Variants in KRI1 observed in about 807,000 individuals in gnomAD.
KRI1 encodes KRI1 homolog, also known as protein KRI1 homolog.
In KRI1, 83 loss-of-function variants were observed where a neutral mutation model predicts 97.0. The observed-to-expected ratio is 0.86, with a 90% CI of 0.72 to 1.03. KRI1 has a LOEUF of 1.03. KRI1 is among the 50% of genes least tolerant of loss of function. The probability of loss-of-function intolerance (pLI) is 0.00; values close to 1 mark genes in which losing one functional copy is unlikely to be tolerated. For synonymous variants in KRI1, 371 were observed against 363.5 expected, an observed-to-expected ratio of 1.02 and a Z score of -0.23; for missense variants, 916 against 928.4, an observed-to-expected ratio of 0.99 and a Z score of 0.17.
In KRI1 at chr19:10,565,931, G is replaced by A. The variant is rs1352665191; in HGVS notation, c.69C>T (p.Tyr23=). The A allele has an allele frequency of 6.5e-7, 1 of 1,534,190 alleles. No individual in the cohort carries two copies. Among genetic ancestry groups the A allele is most frequent in the Non-Finnish European group, 8.8e-7 (1 of 1,141,358 alleles). Residue 23 remains tyrosine, a synonymous_variant, in exon 1 of 19, where the codon TAC becomes TAT. Transcript: ENST00000312962. The part of the protein sequence containing the change: ...NAAFAARYNR[Y]REREELQRLK... Reference sequence around the variant, plus strand: ...GCCGCTGCAGTTCCTCGCGCTCCCGGTAGCGGTTGTACCGCGCGGCAAACG... The same window carrying A: ...GCCGCTGCAGTTCCTCGCGCTCCCGATAGCGGTTGTACCGCGCGGCAAACG...
At chr19:10,555,496 G>C (rs1916479097) in intron 16 of KRI1, 147 bp from the exon 17 acceptor site, 1 of 797,056 alleles carries the variant, frequency 1.3e-6, no homozygotes. Flanking sequence ...GATCTCTACA[G>C]AGGCCAATGA....
chr19:10,554,061 C>G lies in KRI1; in HGVS notation c.2002G>C (p.Glu668Gln). 1 of 1,614,148 alleles carries G rather than the reference C, an allele frequency of 6.2e-7. No individual in the cohort carries two copies. Among genetic ancestry groups the G allele is most frequent in the Non-Finnish European group, 8.5e-7 (1 of 1,180,030 alleles). Residue 668 changes from glutamate (E) to glutamine (Q), a missense_variant, in exon 19 of 19, where the codon GAG (glutamate) becomes CAG (glutamine). Glu to Gln is a conservative substitution (Grantham distance 29, BLOSUM62 2). This residue lies in a region of KRI1 where 672 missense variants were observed against 667.2 expected (regional missense o/e 1.01). Transcript: ENST00000312962. ...GCCTGCAGTCTCTGGCGGCTGAACT[C>G]GCATCCACCAAGCATCACAGTGGGG... ...LGPTVMLGGC[E>Q]FSRQRLQAFG...
At chr19:10,557,368 A>T (rs1916532870) in intron 16 of KRI1, among the ~76,000 whole-genome samples, 184 bp downstream of exon 16, 1 of 152,000 alleles carries the variant, frequency 6.6e-6, no homozygotes. Context: ...CGGTCTCCCA[A>T]AGTGCTGCGA....
intron 4 of KRI1, among the ~76,000 whole-genome samples, chr19:10,562,494 A>G (rs553213527): frequency 1.5e-4 from 23 of 151,774 alleles, no homozygotes; most frequent in Non-Finnish European, 3.1e-4. Context: ...ACACATCATC[A>G]TGCCCAGCTA....
chr19:10,559,362 C>A lies in KRI1; in HGVS notation c.1191G>T (p.Met397Ile), dbSNP rs1463854117. Residue 397 changes from methionine (M) to isoleucine (I), a missense_variant, in exon 12 of 19, where the codon ATG becomes ATT. Transcript: ENST00000312962. The part of the protein sequence containing the change: ...DFDPAQHDQL[M>I]QKCFGDEYYG... ...TGGGCCGGGATGAGGGCCGCACCTG[C>A]ATGAGCTGGTCGTGCTGGGCAGGGT... is the stretch of plus-strand genomic sequence containing the variant. 6.2e-7 allele frequency: 1 copy of A among 1,613,458 alleles called. No individual in the cohort carries two copies. The highest frequency in any genetic ancestry group is 1.3e-5 in the African/African-American group (1 of 74,902).
At chr19:10,565,518 G>T in intron 2 of KRI1, 199 bp downstream of exon 2, 1 of 652,342 alleles carries the variant, frequency 1.5e-6, no homozygotes, top group Non-Finnish European at 2.5e-6. Context: ...ATCGTGGCAG[G>T]GGAGAGAAAA....
rs1568424797 is a variant in KRI1 at position 10,564,922 on chromosome 19, CCCGGA to C, written c.274+2_274+6del. The stretch of plus-strand genomic sequence containing the variant: ...AAGGAGAGGTTTAGACAGGAGTGGC[CCCGGA>C]CCTGTTCTGTTATAGAAGGTGGCAT... On this transcript the variant is annotated splice_donor_variant and splice_donor_5th_base_variant and intron_variant, in intron 3 of 18. Coordinates refer to ENST00000312962, the MANE Select transcript of KRI1 (RefSeq NM_023008.5). LOFTEE classifies it high-confidence loss of function. 2 of 1,576,288 alleles carry C rather than the reference CCCGGA, an allele frequency of 1.3e-6. No individual in the cohort carries two copies. Among genetic ancestry groups the C allele is most frequent in the Admixed American group, 3.3e-5 (2 of 59,960 alleles).
chr19:10,560,062 C>CT, intron 9 of KRI1, 126 bp from the exon 10 acceptor site: 1 of 1,274,122 alleles, frequency 7.8e-7, no homozygotes, highest in Non-Finnish European at 1.1e-6. Context: ...AAGGTGCACG[C>CT]TGCTATTGTC....
chr19:10,559,706 G>A lies in KRI1; in HGVS notation c.930C>T (p.Val310=), dbSNP rs1244747076. 6.8e-6 allele frequency: 11 copies of A among 1,613,920 alleles called. No individual in the cohort carries two copies. Among genetic ancestry groups the A allele is most frequent in the African/African-American group, 5.3e-5 (4 of 74,922 alleles). The change falls in exon 11 of 19, where the codon GTC becomes GTT. Residue 310 remains valine (V), a splice_region_variant and synonymous_variant. Coordinates refer to ENST00000312962, the MANE Select transcript of KRI1 (RefSeq NM_023008.5). ...ACGCGATGCTGCGTGGGTAGGTCTTGACCTAGGCGCAATCAGAAAAGCCCA... is the reference window on the plus strand; with the variant it reads ...ACGCGATGCTGCGTGGGTAGGTCTTAACCTAGGCGCAATCAGAAAAGCCCA... The part of the protein sequence containing the change: ...FRFEEPDSAS[V]KTYPRSIASS...
At chr19:10,555,060 C>T (rs1599529446) in intron 18 of KRI1, 27 bp downstream of exon 18, 1 of 1,589,262 alleles carries the variant, frequency 6.3e-7, no homozygotes. Flanking sequence ...GCTCCCCACC[C>T]ACGCTTCCCC....
At chr19:10,560,622 G>C (rs1339034982) in intron 8 of KRI1, among the ~76,000 whole-genome samples, 174 bp from the exon 9 acceptor site, 1 of 152,198 alleles carries the variant, frequency 6.6e-6, no homozygotes, top group Admixed American at 6.5e-5. Context: ...TGACAGTACA[G>C]TCGTGTGATC....
chr19:10,561,761 G>A (rs1422621641), intron 5 of KRI1, 30 bp downstream of exon 5: 4 of 1,613,652 alleles, frequency 2.5e-6, no homozygotes, highest in Non-Finnish European at 3.4e-6. Flanking sequence ...AGGCCCCTCA[G>A]CCCCCCGACC....
In KRI1 at chr19:10,553,256, C is replaced by T; in HGVS notation, c.*695G>A. 2 of 710,998 alleles carry T rather than the reference C, an allele frequency of 2.8e-6. No individual in the cohort carries two copies. Among genetic ancestry groups the T allele is most frequent in the Admixed American group, 3.1e-5 (1 of 32,778 alleles). The allele number at this position is 710,998 out of a possible 1,614,324, so 44.0% of individuals were successfully genotyped here. On this transcript the variant is annotated 3_prime_UTR_variant, in exon 19 of 19. Transcript: ENST00000312962. ...CAGAGCCCATACACCTGTCTCCCACCAGCGGGGCCCTCCTGGCAGGGTAGG... is the reference window on the plus strand; with the variant it reads ...CAGAGCCCATACACCTGTCTCCCACTAGCGGGGCCCTCCTGGCAGGGTAGG...
chr19:10,561,373 T>C lies in KRI1; in HGVS notation c.489-108A>G, dbSNP rs993922114. ...TGGGGTCTCACTATGTTGCCCAGGC[T>C]GATCTTGAACTCCTGGGCTCAAGTG... On this transcript the variant is annotated intron_variant, in intron 6 of 18. Transcript: ENST00000312962. 17 of 1,059,922 alleles carry C rather than the reference T, an allele frequency of 1.6e-5. No homozygotes were observed. In the Admixed American group the frequency reaches 3.5e-4, roughly 22 times the overall value. The allele number at this position is 1,059,922 out of a possible 1,614,324, so 65.7% of individuals were successfully genotyped here. A position where few individuals can be genotyped will look rare whatever the true frequency, so the allele number is the denominator to read the frequency against.
In KRI1 at chr19:10,553,831, A is replaced by T; in HGVS notation, c.*120T>A. 2.2e-6 allele frequency: 2 copies of T among 900,756 alleles called. No homozygotes were observed. The highest frequency in any genetic ancestry group is 3.2e-6 in the Non-Finnish European group (2 of 618,150). The allele number at this position is 900,756 out of a possible 1,614,324, so 55.8% of individuals were successfully genotyped here. On this transcript the variant is annotated 3_prime_UTR_variant, in exon 19 of 19. Coordinates refer to ENST00000312962, the MANE Select transcript of KRI1 (RefSeq NM_023008.5). Reference sequence around the variant, plus strand: ...CTCGGCCTCCCAAAGTGCTGGGATTACAGGCGTGCCTGGCCACAGATGAGA... The same window carrying T: ...CTCGGCCTCCCAAAGTGCTGGGATTTCAGGCGTGCCTGGCCACAGATGAGA...
chr19:10,562,777 G>C lies in KRI1; in HGVS notation c.335C>G (p.Pro112Arg), dbSNP rs778753431. ...EALEKQKKVR[P>R]MYLKDYERKV... ...CCTCTCGTAGTCCTTCAGGTACATG[G>C]GCCGCACTTTCTTCTGCTTCTCCAA... is the stretch of plus-strand genomic sequence containing the variant. Residue 112 changes from proline (P) to arginine (R), a missense_variant, in exon 4 of 19, where the codon CCC becomes CGC. Coordinates refer to ENST00000312962, the MANE Select transcript of KRI1 (RefSeq NM_023008.5). The C allele has an allele frequency of 2.5e-6, 4 of 1,613,140 alleles. No homozygotes were observed. The Admixed American group carries it at 5.0e-5, about 20-fold the overall frequency.
At chr19:10,565,639 C>G in intron 2 of KRI1, 78 bp downstream of exon 2, 1 of 1,483,254 alleles carries the variant, frequency 6.7e-7, no homozygotes, top group Non-Finnish European at 9.0e-7. Flanking sequence ...GGGGGTTCCC[C>G]CCCGTCTACA....
chr19:10,553,181 C>A lies in KRI1; in HGVS notation c.*770G>T. 1.5e-6 allele frequency: 2 copies of A among 1,319,044 alleles called. No individual in the cohort carries two copies. The highest frequency in any genetic ancestry group is 2.5e-5 in the East Asian group (1 of 39,464). 81.7% of individuals were successfully genotyped at this position (1,319,044 alleles called of 1,614,324 possible). A position where few individuals can be genotyped will look rare whatever the true frequency, so the allele number is the denominator to read the frequency against. On this transcript the variant is annotated 3_prime_UTR_variant, in exon 19 of 19. Transcript: ENST00000312962. Reference sequence around the variant, plus strand: ...ATGGTACTTCCTGTTGTCAGCCCCTCAAGCCCAGCTGCAACCAGTCTGGGG... The same window carrying A: ...ATGGTACTTCCTGTTGTCAGCCCCTAAAGCCCAGCTGCAACCAGTCTGGGG...
intron 6 of KRI1, 92 bp from the exon 7 acceptor site, chr19:10,561,357 A>T (rs1309009542): frequency 1.7e-6 from 2 of 1,183,822 alleles, no homozygotes; most frequent in African/African-American, 3.0e-5. Context: ...CTGGGGTCTC[A>T]CTATGTTGCC....
Sources: allele counts gnomAD v4.1 joint callset (sites outside exome capture counted in the v4.1 genomes callset), GRCh38; gene constraint gnomAD v4.1.1; regional missense constraint gnomAD v4.1.1; transcripts MANE v1.5; gene names NCBI Gene and HGNC (gene_info 2026-07-23, HGNC 2026-07-21).